CCDC150: variants seen among roughly 807,000 people sequenced by gnomAD.
The protein encoded by CCDC150 is coiled-coil domain containing 150, also known as coiled-coil domain-containing protein 150.
In CCDC150, 151 loss-of-function variants were observed where a neutral mutation model predicts 156.5. The ratio of observed to expected loss-of-function variants is 0.97; its 90% CI spans 0.85 to 1.10. The LOEUF is 1.10. CCDC150 is among the 50% of genes least tolerant of loss of function. The pLI, the probability that CCDC150 is intolerant of heterozygous loss-of-function variation, is 0.00. For synonymous variants in CCDC150, 452 were observed against 429.4 expected (o/e 1.05, Z -0.65); for missense variants, 1,312 against 1,268.1 (o/e 1.03, Z -0.53).
In CCDC150 at chr2:196,674,359, A is replaced by C. The variant is rs370723977; in HGVS notation, c.1137+11A>C. ...CAGGCCATTCTGCAGGTATTCGTTT[A>C]ACATGAAAGCCAACCAGAAAGCCAG... On this transcript the variant is annotated intron_variant, in intron 10 of 27. Coordinates refer to ENST00000389175, the MANE Select transcript of CCDC150 (RefSeq NM_001080539.2). 19 of 1,563,112 alleles carry C rather than the reference A, an allele frequency of 1.2e-5. No homozygotes were observed. Among genetic ancestry groups the C allele is most frequent in the Non-Finnish European group, 1.5e-5 (17 of 1,145,358 alleles).
chr2:196,674,638 A>G (rs2125612836), intron 10 of CCDC150, among the ~76,000 whole-genome samples: 1 of 81,496 alleles, frequency 1.2e-5, no homozygotes, highest in Middle Eastern at 5.0e-3. Context: ...AAAGTACTTA[A>G]CCTTTTCCTC....
Position 196,726,009 on chromosome 2 carries a change from A to C in CCDC150, c.2466A>C (p.Glu822Asp), listed in dbSNP as rs1698189073. 1 of 1,605,436 alleles carries C rather than the reference A, an allele frequency of 6.2e-7. No individual in the cohort carries two copies. Among genetic ancestry groups the C allele is most frequent in the East Asian group, 2.2e-5 (1 of 44,732 alleles). ...CTGAAGAGTCCAAAGTGGAAGCAGA[A>C]TTGCATGCTGAACGCATAGAAGCTC... The part of the protein sequence containing the change: ...RMTEESKVEA[E>D]LHAERIEALR... Residue 822 changes from glutamate to aspartate, a missense_variant, in exon 22 of 28, where the codon GAA (glutamate) becomes GAC (aspartate). Physicochemically the swap from Glu to Asp is conservative, Grantham distance 45. Coordinates refer to ENST00000389175, the MANE Select transcript of CCDC150 (RefSeq NM_001080539.2).
intron 25 of CCDC150, 127 bp from the exon 26 acceptor site, chr2:196,730,732 A>G: frequency 3.0e-6 from 2 of 666,352 alleles, no homozygotes; most frequent in South Asian, 4.0e-5. Context: ...ATATGTCAGT[A>G]GCACCTGAAG....
chr2:196,721,730 C>T (rs1341832549), intron 21 of CCDC150, 39 bp downstream of exon 21: 3 of 1,492,134 alleles, frequency 2.0e-6, no homozygotes, highest in Non-Finnish European at 2.7e-6. Flanking sequence ...AGGGAAGCAC[C>T]TCTGGAGGAG....
At chr2:196,726,730 C>T (rs758359135) in intron 22 of CCDC150, 1 of 152,430 alleles carries the variant, frequency 6.6e-6, no homozygotes, top group Non-Finnish European at 1.5e-5. Context: ...TGCTTACTTA[C>T]AAAAATGAAC....
chr2:196,662,282 A>C (rs1370564010), intron 5 of CCDC150, among the ~76,000 whole-genome samples: 1 of 152,224 alleles, frequency 6.6e-6, no homozygotes, highest in Non-Finnish European at 1.5e-5. Context: ...ATTTGACCAC[A>C]TAAGAATACT....
chr2:196,694,831 C>T (rs371449687), intron 13 of CCDC150, among the ~76,000 whole-genome samples: 5 of 152,152 alleles, frequency 3.3e-5, no homozygotes, highest in African/African-American at 4.8e-5. Context: ...AACTGCACTC[C>T]AGCCTGGGTG....
chr2:196,699,862 A>G (rs550645313), intron 14 of CCDC150, among the ~76,000 whole-genome samples: 1 of 152,294 alleles, frequency 6.6e-6, no homozygotes, highest in East Asian at 1.9e-4. Flanking sequence ...AGAGGAAAAT[A>G]TGAGTTACAG....
At chr2:196,672,253 T>C in intron 8 of CCDC150, 92 bp from the exon 9 acceptor site, 1 of 517,046 alleles carries the variant, frequency 1.9e-6, no homozygotes, top group Non-Finnish European at 3.3e-6. Flanking sequence ...GAACTTGAAC[T>C]TGTACTGGCC....
rs1407635821 is a variant in CCDC150, at chr2:196,721,026, CAT to C, written c.2259+359_2259+360del. On this transcript the variant is annotated intron_variant, in intron 20 of 27. Transcript: ENST00000389175. ...ATTAATAAGGAGTCACCTACACACA[CAT>C]GTGCTCACAGGTATATATTTACTTA... is the stretch of plus-strand genomic sequence containing the variant. 7.2e-5 allele frequency among the ~76,000 whole-genome samples: 11 copies of C among 152,206 alleles called. 1 individual carries two copies. The highest frequency in any genetic ancestry group is 2.4e-4 in the African/African-American group (10 of 41,554).
intron 13 of CCDC150, among the ~76,000 whole-genome samples, chr2:196,691,396 T>C (rs1695463322): frequency 6.6e-6 from 1 of 152,206 alleles, no homozygotes; most frequent in Admixed American, 6.5e-5. Context: ...TCGTTATTAG[T>C]CTGTTCAGGG....
chr2:196,652,954 T>A (rs1692970514), intron 2 of CCDC150, among the ~76,000 whole-genome samples: 2 of 152,204 alleles, frequency 1.3e-5, no homozygotes, highest in South Asian at 4.1e-4. Context: ...CTGGGGCCCT[T>A]TGAGCCATGG....
chr2:196,701,432 C>A (rs544636943), intron 15 of CCDC150, among the ~76,000 whole-genome samples: 1 of 152,320 alleles, frequency 6.6e-6, no homozygotes, highest in Admixed American at 6.5e-5. Context: ...TCATTTTATG[C>A]ATGGTCATTC....
At chr2:196,672,863 A>G (rs551739656) in intron 9 of CCDC150, among the ~76,000 whole-genome samples, 26 of 152,290 alleles carry the variant, frequency 1.7e-4, no homozygotes, top group Admixed American at 3.9e-4. Flanking sequence ...GTTAGATGTA[A>G]TCATTTCTGG....
chr2:196,719,250 T>C (rs1559273461), intron 18 of CCDC150: 1 of 315,416 alleles, frequency 3.2e-6, no homozygotes, highest in Non-Finnish European at 5.7e-6. Context: ...TTAATGTGTA[T>C]GCTGTAACAT....
rs559183042 is a variant in CCDC150, at chr2:196,666,852, T to C, written c.892+4T>C. The C allele has an allele frequency of 7.7e-5, 125 of 1,613,402 alleles. No homozygotes were observed. The highest frequency in any genetic ancestry group is 1.0e-4 in the Non-Finnish European group (120 of 1,179,632). Reference sequence around the variant, plus strand: ...TCACAGCTCAAATCTGATCTAAGTATGAAAATAGATGCTAGAAATCACCCT... The same window carrying C: ...TCACAGCTCAAATCTGATCTAAGTACGAAAATAGATGCTAGAAATCACCCT... On this transcript the variant is annotated splice_donor_region_variant and intron_variant, in intron 7 of 27. Transcript: ENST00000389175.
chr2:196,727,029 G>T (rs920532481), intron 22 of CCDC150: 6 of 152,260 alleles, frequency 3.9e-5, no homozygotes, highest in African/African-American at 1.4e-4. Context: ...CAGTTAATTC[G>T]AGTATTAGAT....
intron 16 of CCDC150, 167 bp from the exon 17 acceptor site, chr2:196,712,510 A>G: frequency 1.6e-6 from 1 of 608,742 alleles, no homozygotes; most frequent in Non-Finnish European, 3.0e-6. Flanking sequence ...CATAAACTTT[A>G]TTAGAGAATA....
At chr2:196,707,096 C>G (rs1322232849) in intron 15 of CCDC150, among the ~76,000 whole-genome samples, 1 of 152,154 alleles carries the variant, frequency 6.6e-6, no homozygotes, top group African/African-American at 2.4e-5. Context: ...GTATCAGCTC[C>G]TCTTTGTACC....
Sources: gnomAD v4.1 joint callset for allele counts (sites outside exome capture counted in the v4.1 genomes callset) on GRCh38, gnomAD v4.1.1 for gene constraint, MANE v1.5 for transcripts, NCBI Gene and HGNC (gene_info 2026-07-23, HGNC 2026-07-21) for gene names.